Variants in PEG3 observed in about 807,000 individuals in gnomAD.
PEG3 encodes the protein paternally-expressed gene 3 protein.
In PEG3, 23 loss-of-function variants were observed where a neutral mutation model predicts 35.5. The ratio of observed to expected loss-of-function variants is 0.65; its 90% CI spans 0.47 to 0.92. PEG3 has a LOEUF of 0.92. Ranked by LOEUF, PEG3 falls within the 40% of genes least tolerant of loss-of-function variation. PEG3 has a pLI of 0.00. For synonymous variants in PEG3, 707 were observed against 697.0 expected (o/e 1.01, Z -0.23); for missense variants, 1,960 against 1,985.3 (o/e 0.99, Z 0.24).
At chr19:56,840,305 G>T (rs575302930) in intron 1 of PEG3, among the ~76,000 whole-genome samples, 1 of 152,282 alleles carries the variant, frequency 6.6e-6, no homozygotes, top group African/African-American at 2.4e-5. Context: ...TCAGACCCCG[G>T]ACTGCAAGAT....
chr19:56,839,217 C>A (rs2062633252), intron 1 of PEG3, among the ~76,000 whole-genome samples: 1 of 152,174 alleles, frequency 6.6e-6, no homozygotes, highest in Non-Finnish European at 1.5e-5. Context: ...CATCTGCCAC[C>A]AACCAACCAG....
chr19:56,823,873 T>G (rs1347337200), intron 4 of PEG3, among the ~76,000 whole-genome samples, 194 bp from the exon 5 acceptor site: 1 of 151,984 alleles, frequency 6.6e-6, no homozygotes, highest in Non-Finnish European at 1.5e-5. Context: ...GGGGGGAGCA[T>G]GGTGGCTGTG....
intron 2 of PEG3, chr19:56,833,509 C>A: frequency 3.8e-6 from 1 of 260,770 alleles, no homozygotes. Context: ...TTTAAATGCC[C>A]GACACTCAGT....
intron 2 of PEG3, among the ~76,000 whole-genome samples, chr19:56,827,651 G>A (rs1759353348): frequency 6.6e-6 from 1 of 152,174 alleles, no homozygotes; most frequent in Non-Finnish European, 1.5e-5. Flanking sequence ...ATTTACCTCA[G>A]AGATATGTAA....
Position 56,836,969 on chromosome 19 carries a change from C to CAAAA in PEG3, c.-249-869_-249-866dup, listed in dbSNP as rs573566620. On this transcript the variant is annotated intron_variant, in intron 1 of 9. Coordinates refer to ENST00000326441, the MANE Select transcript of PEG3 (RefSeq NM_006210.3). ...TGGGTGAGAGGGCCAGACTCTGTCT[C>CAAAA]AAAAAAAAAAAAAAAAAAAAAAAAA... is the stretch of plus-strand genomic sequence containing the variant. Among the ~76,000 whole-genome samples, 189 of 116,922 alleles carry CAAAA rather than the reference C, an allele frequency of 1.6e-3. 2 individuals are homozygous for CAAAA. The highest frequency in any genetic ancestry group is 3.5e-3 in the East Asian group (12 of 3,458). The allele number at this position is 116,922 out of a possible 152,430, so 76.7% of individuals were successfully genotyped here.
In PEG3 at chr19:56,814,323, T is replaced by G; in HGVS notation, c.4119A>C (p.Glu1373Asp). ...AAAAAAAAAQ[E>D]VEANVHVPQV... Reference sequence around the variant, plus strand: ...GTGGAACATGGACATTGGCTTCAACTTCCTGGGCTGCTGCTGCTGCAGCTG... The same window carrying G: ...GTGGAACATGGACATTGGCTTCAACGTCCTGGGCTGCTGCTGCTGCAGCTG... The change falls in exon 10 of 10, where the codon GAA becomes GAC. Residue 1373 changes from glutamate (E) to aspartate (D), a missense_variant. Physicochemically the swap from Glu to Asp is conservative, Grantham distance 45. This residue lies in a region of PEG3 where 416 missense variants were observed against 416.7 expected (regional missense o/e 1.00). Transcript: ENST00000326441. The surrounding 1 kb of genome is among the most constrained non-coding windows in gnomAD (Gnocchi z 5.8). The G allele has an allele frequency of 6.2e-7, 1 of 1,614,140 alleles. No individual in the cohort carries two copies.
In PEG3 at chr19:56,815,734, T is replaced by C. The variant is rs202149040; in HGVS notation, c.2708A>G (p.Lys903Arg). Residue 903 changes from lysine to arginine, a missense_variant, in exon 10 of 10, where the codon AAA becomes AGA. This residue lies in a region of PEG3 where 798 missense variants were observed against 782.4 expected (regional missense o/e 1.02). Coordinates refer to ENST00000326441, the MANE Select transcript of PEG3 (RefSeq NM_006210.3). ...CTCTCCAGGAACACTTTTCTGAGGT[T>C]TGGCACGGAATACACTCTGTATGAC... The part of the protein sequence containing the change: ...DSVIQSVFRA[K>R]PQKSVPGEGS... 186 of 1,614,096 alleles carry C rather than the reference T, an allele frequency of 1.2e-4. 1 individual carries two copies. Among genetic ancestry groups the C allele is most frequent in the Middle Eastern group, 1.6e-4 (1 of 6,084 alleles).
chr19:56,832,709 G>T (rs950560506), intron 2 of PEG3, among the ~76,000 whole-genome samples: 1 of 152,138 alleles, frequency 6.6e-6, no homozygotes, highest in African/African-American at 2.4e-5. Flanking sequence ...ACTAATAAAG[G>T]ATCCCTCTAC....
At position 56,811,995 on chromosome 19, in the gene PEG3, T is replaced by C; in HGVS notation, c.*1680A>G. 1.0e-6 allele frequency: 1 copy of C among 985,254 alleles called. No individual in the cohort carries two copies. Among genetic ancestry groups the C allele is most frequent in the Non-Finnish European group, 1.2e-6 (1 of 829,816 alleles). The allele number at this position is 985,254 out of a possible 1,614,324, so 61.0% of individuals were successfully genotyped here. A position where few individuals can be genotyped will look rare whatever the true frequency, so the allele number is the denominator to read the frequency against. On this transcript the variant is annotated 3_prime_UTR_variant, in exon 10 of 10. Coordinates refer to ENST00000326441, the MANE Select transcript of PEG3 (RefSeq NM_006210.3). ...CTAAACTTTGACACTCCCTGCATCTTTGACATACTTCCAAGCCCTAATCCT... is the reference window on the plus strand; with the variant it reads ...CTAAACTTTGACACTCCCTGCATCTCTGACATACTTCCAAGCCCTAATCCT...
At position 56,812,818 on chromosome 19, in the gene PEG3, T is replaced by TAAAA; in HGVS notation, c.*853_*856dup. 9 of 869,338 alleles carry TAAAA rather than the reference T, an allele frequency of 1.0e-5. No individual in the cohort carries two copies. Among genetic ancestry groups the TAAAA allele is most frequent in the Non-Finnish European group, 1.2e-5 (9 of 729,482 alleles). 53.9% of individuals were successfully genotyped at this position (869,338 alleles called of 1,614,324 possible). ...ATCATCAAACACATATTGAGTTGGTTAAAAAAAAAAAAAACCCAGAACACA... is the reference window on the plus strand; with the variant it reads ...ATCATCAAACACATATTGAGTTGGTTAAAAAAAAAAAAAAAAAACCCAGAACACA... On this transcript the variant is annotated 3_prime_UTR_variant, in exon 10 of 10. Transcript: ENST00000326441.
In PEG3 at chr19:56,824,596, C is replaced by T. The variant is rs1475506345; in HGVS notation, c.60G>A (p.Leu20=). ...TKPKKSWAPN[L]YELDSDLTKE... ...TAGTCAAGTCACTGTCTAGCTCATA[C>T]AGATTTGGGGCCCAGGACTTCTTAG... Residue 20 remains leucine, a synonymous_variant, in exon 4 of 10, where the codon CTG becomes CTA. Transcript: ENST00000326441. 4 of 1,613,688 alleles carry T rather than the reference C, an allele frequency of 2.5e-6. No homozygotes were observed. Among genetic ancestry groups the T allele is most frequent in the East Asian group, 2.2e-5 (1 of 44,880 alleles).
At position 56,824,661 on chromosome 19, in the gene PEG3, T is replaced by C. The variant is rs752208145; in HGVS notation, c.-6A>G. ...AAGTGCTTTGGAGGCAGCATTTCTC[T>C]AAGTAAAATTTTCACTGGAGGAACC... On this transcript the variant is annotated 5_prime_UTR_variant, in exon 4 of 10. It removes the in-frame stop codon of an upstream open reading frame in the 5' UTR. Transcript: ENST00000326441. 6.3e-7 allele frequency: 1 copy of C among 1,585,336 alleles called. No individual in the cohort carries two copies. The highest frequency in any genetic ancestry group is 1.8e-5 in the Admixed American group (1 of 55,826).
At chr19:56,830,841 A>AG (rs1289428865) in intron 2 of PEG3, among the ~76,000 whole-genome samples, 3 of 152,052 alleles carry the variant, frequency 2.0e-5, no homozygotes, top group Admixed American at 2.0e-4. Flanking sequence ...AGGCTGATGC[A>AG]GGGGGGCCCT....
At chr19:56,829,444 T>C (rs564171814) in intron 2 of PEG3, among the ~76,000 whole-genome samples, 1 of 151,974 alleles carries the variant, frequency 6.6e-6, no homozygotes, top group South Asian at 2.1e-4. Flanking sequence ...CACAAAATAA[T>C]GGCAGGTAAC....
intron 1 of PEG3, among the ~76,000 whole-genome samples, chr19:56,838,291 C>T (rs2062432779): frequency 6.6e-6 from 1 of 152,032 alleles, no homozygotes; most frequent in Admixed American, 6.5e-5. Flanking sequence ...AAAGCCCTCC[C>T]TCATGCCCGC....
chr19:56,819,105 G>T (rs2060244584), intron 7 of PEG3, among the ~76,000 whole-genome samples: 1 of 152,194 alleles, frequency 6.6e-6, no homozygotes, highest in South Asian at 2.1e-4. Flanking sequence ...GCCTTAAGTG[G>T]TAAGTGAGAT....
At chr19:56,820,501 C>T (rs138789275) in intron 7 of PEG3, among the ~76,000 whole-genome samples, 1 of 152,186 alleles carries the variant, frequency 6.6e-6, no homozygotes, top group African/African-American at 2.4e-5. Context: ...ATGCCTCCAG[C>T]CTTCTTCCTA....
In PEG3 at chr19:56,817,338, C is replaced by A; in HGVS notation, c.1104G>T (p.Gly368=). ...ACCTAAAGCCTCCCCTAAATGCATT[C>A]CCTTCATAAACCCGCTGCTGGATCA... ...ESVIQQRVYE[G]NAFRGGFRFN... The change falls in exon 10 of 10, where the codon GGG becomes GGT. Residue 368 remains glycine, a synonymous_variant. Transcript: ENST00000326441. The A allele has an allele frequency of 6.2e-7, 1 of 1,614,076 alleles. No homozygotes were observed.
rs1011927730 is a variant in PEG3, at chr19:56,817,372, C to T, written c.1070G>A (p.Arg357Lys). ...DNWKDISLNKRESVIQQRVYE... is the reference protein window; with the variant it reads ...DNWKDISLNKKESVIQQRVYE... Reference sequence around the variant, plus strand: ...AACCCGCTGCTGGATCACTGACTCCCTCTTGTTCAATGAAATGTCCTTCCA... The same window carrying T: ...AACCCGCTGCTGGATCACTGACTCCTTCTTGTTCAATGAAATGTCCTTCCA... The change falls in exon 10 of 10, where the codon AGG becomes AAG. Residue 357 changes from arginine (R) to lysine (K), a missense_variant. Around this residue, in one of 5 missense-constraint regions of PEG3, gnomAD observed 613 missense variants for 577.1 expected, o/e 1.06. Transcript: ENST00000326441. 3.7e-6 allele frequency: 6 copies of T among 1,613,892 alleles called. No homozygotes were observed. The highest frequency in any genetic ancestry group is 1.1e-5 in the South Asian group (1 of 91,078).
Sources: gnomAD v4.1 joint callset for allele counts (sites outside exome capture counted in the v4.1 genomes callset) on GRCh38, gnomAD v4.1.1 for gene constraint, gnomAD v4.1.1 regional missense constraint, Gnocchi (gnomAD v3.1) non-coding constraint, MANE v1.5 for transcripts, NCBI Gene and HGNC (gene_info 2026-07-23, HGNC 2026-07-21) for gene names.